The following TMEM44 variants were observed in gnomAD, a reference collection of about 807,000 sequenced individuals.
TMEM44 encodes the protein transmembrane protein 44.
A neutral mutation model predicts 47.8 loss-of-function variants in TMEM44; 43 were observed. The observed-to-expected ratio is 0.90, with a 90% CI of 0.70 to 1.16. TMEM44 has a LOEUF of 1.16. Among genes scored for constraint, TMEM44 ranks in the 50% most tolerant of loss-of-function variants. The pLI, the probability that TMEM44 is intolerant of heterozygous loss-of-function variation, is 0.00. For missense variants in TMEM44, 568 were observed against 555.2 expected (o/e 1.02, Z -0.23); for synonymous variants, 277 against 238.8 (o/e 1.16, Z -1.48).
chr3:194,619,800 C>A (rs528432756), intron 5 of TMEM44, among the ~76,000 whole-genome samples: 1 of 152,352 alleles, frequency 6.6e-6, no homozygotes, highest in East Asian at 1.9e-4. Flanking sequence ...AGCAGCAGCT[C>A]CTTCCCTAGA....
chr3:194,628,477 C>A lies in TMEM44; in HGVS notation c.170G>T (p.Arg57Ile). The A allele has an allele frequency of 1.2e-6, 2 of 1,613,682 alleles. No individual in the cohort carries two copies. Among genetic ancestry groups the A allele is most frequent in the South Asian group, 2.2e-5 (2 of 90,952 alleles). The change falls in exon 2 of 10, where the codon AGA becomes ATA. Residue 57 changes from arginine to isoleucine, a missense_variant. Physicochemically the swap from Arg to Ile is moderately conservative, Grantham distance 97. Transcript: ENST00000347147. ...AGCACACAGTGCCGACTGGTCCTGT[C>A]TGGGTTTCTGTGCACATCTCAGATA... ...LLYLRCAQKP[R>I]QDQSALCAAC...
intron 9 of TMEM44, chr3:194,597,219 C>T (rs57153420): frequency 0.098 from 14,937 of 152,176 alleles, 820 homozygotes; most frequent in South Asian, 0.21. Flanking sequence ...AAAGCTTATA[C>T]CCCGTCTCTT....
intron 1 of TMEM44, 142 bp from the exon 2 acceptor site, chr3:194,628,651 T>A: frequency 9.6e-7 from 1 of 1,038,306 alleles, no homozygotes; most frequent in Non-Finnish European, 1.3e-6. Context: ...TTGAACTGAG[T>A]TTACAGATGG....
At chr3:194,612,438 A>G (rs1204524528) in intron 7 of TMEM44, among the ~76,000 whole-genome samples, 1 of 152,130 alleles carries the variant, frequency 6.6e-6, no homozygotes, top group Non-Finnish European at 1.5e-5. Flanking sequence ...GTCGGATCAC[A>G]TGGTTAAGCC....
At position 194,633,374 on chromosome 3, in the gene TMEM44, G is replaced by T; in HGVS notation, c.-159C>A. 4.4e-6 allele frequency: 1 copy of T among 229,570 alleles called. No homozygotes were observed. Among genetic ancestry groups the T allele is most frequent in the Non-Finnish European group, 7.3e-6 (1 of 137,518 alleles). The allele number at this position is 229,570 out of a possible 1,614,324, so 14.2% of individuals were successfully genotyped here. ...ACCGACCGCGGGCAGAGAAGGGCGCGCTCCCGGGCGCGGGCGGCGGCGGCG... is the reference window on the plus strand; with the variant it reads ...ACCGACCGCGGGCAGAGAAGGGCGCTCTCCCGGGCGCGGGCGGCGGCGGCG... On this transcript the variant is annotated 5_prime_UTR_variant, in exon 1 of 10. Coordinates refer to ENST00000347147, the MANE Select transcript of TMEM44 (RefSeq NM_001011655.3).
chr3:194,598,198 C>G lies in TMEM44; in HGVS notation c.1176+6089G>C, dbSNP rs558516266. Among the ~76,000 whole-genome samples the G allele has an allele frequency of 8.2e-3, 1,248 of 152,238 alleles. 7 individuals carry two copies. Among genetic ancestry groups the G allele is most frequent in the Non-Finnish European group, 0.012 (819 of 68,014 alleles). On this transcript the variant is annotated intron_variant, in intron 9 of 9. Coordinates refer to ENST00000347147, the MANE Select transcript of TMEM44 (RefSeq NM_001011655.3). ...GACATGATTCGTCTGGTACCCTGAC[C>G]AGTGCAGTCAAGTTCTCCCTCCACG... is the stretch of plus-strand genomic sequence containing the variant.
At chr3:194,593,728 C>T (rs988929081) in intron 9 of TMEM44, among the ~76,000 whole-genome samples, 4 of 152,060 alleles carry the variant, frequency 2.6e-5, no homozygotes, top group South Asian at 2.1e-4. Context: ...GCAGGCAGTC[C>T]GAGCAGTCCA....
At chr3:194,625,019 C>A (rs1716990393) in intron 3 of TMEM44, among the ~76,000 whole-genome samples, 1 of 152,016 alleles carries the variant, frequency 6.6e-6, no homozygotes, top group African/African-American at 2.4e-5. Context: ...GCCCGGCCCC[C>A]TCATCCCCTC....
At chr3:194,614,292 G>A (rs1715651828) in intron 7 of TMEM44, among the ~76,000 whole-genome samples, 1 of 152,174 alleles carries the variant, frequency 6.6e-6, no homozygotes, top group Admixed American at 6.5e-5. Context: ...CATGTAGCTG[G>A]GCATGACGAC....
intron 7 of TMEM44, among the ~76,000 whole-genome samples, 195 bp downstream of exon 7, chr3:194,615,374 A>G (rs1715765260): frequency 6.6e-6 from 1 of 152,160 alleles, no homozygotes; most frequent in Admixed American, 6.5e-5. Context: ...AGTAAACAGG[A>G]AGGGCCCGTT....
chr3:194,620,459 GCTCT>G (rs1291026979), intron 5 of TMEM44, among the ~76,000 whole-genome samples: 2 of 152,154 alleles, frequency 1.3e-5, no homozygotes, highest in East Asian at 3.9e-4. Flanking sequence ...AGATTAGATT[GCTCT>G]CTAAGTGTTT....
At chr3:194,624,875 A>G (rs1273075846) in intron 3 of TMEM44, among the ~76,000 whole-genome samples, 1 of 151,862 alleles carries the variant, frequency 6.6e-6, no homozygotes, top group African/African-American at 2.4e-5. Context: ...CACCACATCC[A>G]GCTAATTTTT....
intron 2 of TMEM44, among the ~76,000 whole-genome samples, chr3:194,627,444 G>GGTTT (rs3075308): frequency 0.79 from 120,315 of 151,620 alleles, 48,003 homozygotes; most frequent in East Asian, 0.97. Context: ...CTTCCACACA[G>GGTTT]GTTTGAGGGC....
At chr3:194,605,128 C>G (rs1253280421) in intron 8 of TMEM44, among the ~76,000 whole-genome samples, 1 of 149,654 alleles carries the variant, frequency 6.7e-6, no homozygotes, top group Non-Finnish European at 1.5e-5. Flanking sequence ...ATGTATCTAT[C>G]TATGTATCTA....
At chr3:194,628,696 G>A (rs754398408) in intron 1 of TMEM44, among the ~76,000 whole-genome samples, 187 bp from the exon 2 acceptor site, 2 of 152,198 alleles carry the variant, frequency 1.3e-5, no homozygotes, top group African/African-American at 2.4e-5. Flanking sequence ...CGCCTGTCCA[G>A]ATGCCCATGG....
Position 194,615,711 on chromosome 3 carries a change from AGTTAAGGTAG to A in TMEM44, c.784-24_784-15del. ...AAGGAAAATAATCTGAGATGGTGTAAGTTAAGGTAGGAAGCAGAATATTCCAGCTGCCTAG... is the reference window on the plus strand; with the variant it reads ...AAGGAAAATAATCTGAGATGGTGTAAGAAGCAGAATATTCCAGCTGCCTAG... On this transcript the variant is annotated splice_polypyrimidine_tract_variant and intron_variant, in intron 6 of 9. Transcript: ENST00000347147. The A allele has an allele frequency of 6.2e-7, 1 of 1,613,146 alleles. No individual in the cohort carries two copies. The highest frequency in any genetic ancestry group is 8.5e-7 in the Non-Finnish European group (1 of 1,179,452).
intron 5 of TMEM44, among the ~76,000 whole-genome samples, chr3:194,619,808 A>C (rs772796592): frequency 3.3e-5 from 5 of 152,176 alleles, no homozygotes; most frequent in Non-Finnish European, 7.3e-5. Context: ...CTCCTTCCCT[A>C]GAAATACGGC....
intron 1 of TMEM44, among the ~76,000 whole-genome samples, chr3:194,628,749 G>A (rs1373697026): frequency 1.3e-5 from 2 of 152,174 alleles, no homozygotes; most frequent in Non-Finnish European, 2.9e-5. Context: ...CGCCTCTTTG[G>A]AGGAAGAGGA....
At chr3:194,620,289 CAAAA>C (rs752649203) in intron 5 of TMEM44, among the ~76,000 whole-genome samples, 2 of 55,020 alleles carry the variant, frequency 3.6e-5, no homozygotes, top group Non-Finnish European at 7.6e-5. Flanking sequence ...AACTCCGACT[CAAAA>C]AAAAAAAAAA....
Sources: gnomAD v4.1 joint callset for allele counts (sites outside exome capture counted in the v4.1 genomes callset) on GRCh38, gnomAD v4.1.1 for gene constraint, MANE v1.5 for transcripts, NCBI Gene and HGNC (gene_info 2026-07-23, HGNC 2026-07-21) for gene names.